The following CAMK4 variants were observed in gnomAD, a reference collection of about 807,000 sequenced individuals.
CAMK4 encodes calcium/calmodulin dependent protein kinase IV.
In CAMK4, 22 loss-of-function variants were observed where a neutral mutation model predicts 44.9. That is an observed-to-expected ratio of 0.49 (90% CI 0.35 to 0.70). The LOEUF is 0.70. Ranked by LOEUF, CAMK4 falls within the 30% of genes least tolerant of loss-of-function variation. The probability of loss-of-function intolerance (pLI) is 0.01; values close to 1 mark genes in which losing one functional copy is unlikely to be tolerated. For missense variants in CAMK4, 498 were observed against 586.8 expected (o/e 0.85, Z 1.56); for synonymous variants, 218 against 215.4 (o/e 1.01, Z -0.11).
At chr5:111,311,869 G>A (rs1748219172) in intron 1 of CAMK4, among the ~76,000 whole-genome samples, 2 of 152,098 alleles carry the variant, frequency 1.3e-5, no homozygotes, top group Admixed American at 6.6e-5. Flanking sequence ...GTAGCAGTGA[G>A]GTGATGTTGT....
intron 5 of CAMK4, among the ~76,000 whole-genome samples, chr5:111,413,080 G>A (rs980332537): frequency 4.7e-4 from 71 of 152,040 alleles, no homozygotes; most frequent in African/African-American, 1.6e-3. Context: ...TTCTTTCCTC[G>A]GTAAAGCCAA....
At chr5:111,355,673 C>T (rs1302634238) in intron 2 of CAMK4, among the ~76,000 whole-genome samples, 1 of 117,808 alleles carries the variant, frequency 8.5e-6, no homozygotes, top group African/African-American at 2.8e-5. Context: ...CCACAACAGT[C>T]CCCAGAGTGT....
At chr5:111,331,878 A>T (rs931571857) in intron 1 of CAMK4, among the ~76,000 whole-genome samples, 3 of 151,356 alleles carry the variant, frequency 2.0e-5, no homozygotes, top group Non-Finnish European at 4.4e-5. Context: ...TTATTTATAG[A>T]TTTTTTCTTA....
chr5:111,290,825 G>A lies in CAMK4; in HGVS notation c.162-53199G>A, dbSNP rs916043804. ...ATACCTGGGGAGTAGAAAATCACAC[G>A]TCTCTTGGAGGTTTATTTAAAAGTG... On this transcript the variant is annotated intron_variant, in intron 1 of 10. Coordinates refer to ENST00000282356, the MANE Select transcript of CAMK4 (RefSeq NM_001744.6). This position sits in a 1 kb window ranked among gnomAD's most constrained non-coding sequence, Gnocchi z 4.5. 6.6e-6 allele frequency among the ~76,000 whole-genome samples: 1 copy of A among 152,174 alleles called. No individual in the cohort carries two copies.
chr5:111,434,842 C>T (rs1753591077), intron 5 of CAMK4, among the ~76,000 whole-genome samples: 1 of 152,130 alleles, frequency 6.6e-6, no homozygotes, highest in Non-Finnish European at 1.5e-5. Context: ...ATCAAGAAAA[C>T]TGTGGTCAGA....
At chr5:111,298,488 A>C (rs141150995) in intron 1 of CAMK4, among the ~76,000 whole-genome samples, 31 of 152,292 alleles carry the variant, frequency 2.0e-4, no homozygotes, top group Middle Eastern at 3.4e-3. Flanking sequence ...CTGATTGAGA[A>C]GGTAAAGCAT....
At chr5:111,475,928 CAGTAG>C (rs1383236159) in intron 8 of CAMK4, among the ~76,000 whole-genome samples, 2 of 152,118 alleles carry the variant, frequency 1.3e-5, no homozygotes, top group African/African-American at 4.8e-5. Context: ...GAGACAGACA[CAGTAG>C]AGTAGAGAAG....
chr5:111,293,832 C>T (rs373765448), intron 1 of CAMK4, among the ~76,000 whole-genome samples: 6 of 150,744 alleles, frequency 4.0e-5, no homozygotes, highest in African/African-American at 7.3e-5. Context: ...CTGCAAGCTC[C>T]GCCTCCCGGG....
At chr5:111,276,188 C>T (rs532430667) in intron 1 of CAMK4, among the ~76,000 whole-genome samples, 2 of 152,202 alleles carry the variant, frequency 1.3e-5, no homozygotes, top group South Asian at 4.1e-4. Context: ...GTTTTGTGAA[C>T]TACTATTATT....
intron 5 of CAMK4, among the ~76,000 whole-genome samples, chr5:111,401,139 T>C (rs1233972711): frequency 1.3e-5 from 2 of 152,194 alleles, no homozygotes; most frequent in African/African-American, 4.8e-5. Flanking sequence ...TTCTCTCTTC[T>C]CTTCTCTTCC....
intron 1 of CAMK4, among the ~76,000 whole-genome samples, chr5:111,328,818 T>C (rs1749020927): frequency 6.6e-6 from 1 of 152,164 alleles, no homozygotes; most frequent in African/African-American, 2.4e-5. Context: ...TGTTTGTCTG[T>C]TATTGGTGTA....
intron 5 of CAMK4, among the ~76,000 whole-genome samples, chr5:111,436,871 G>A (rs1753664853): frequency 6.6e-6 from 1 of 152,134 alleles, no homozygotes; most frequent in African/African-American, 2.4e-5. Context: ...CTCCCCTGAG[G>A]CAACGCTGTA....
intron 1 of CAMK4, among the ~76,000 whole-genome samples, chr5:111,281,888 C>T (rs918776301): frequency 2.0e-5 from 3 of 151,714 alleles, no homozygotes; most frequent in Admixed American, 2.0e-4. Context: ...GAAACCCCGT[C>T]TCTACTAAAA....
chr5:111,349,455 A>G (rs1409725627), intron 2 of CAMK4, among the ~76,000 whole-genome samples: 1 of 151,948 alleles, frequency 6.6e-6, no homozygotes, highest in Non-Finnish European at 1.5e-5. Context: ...GCTAGTGGGG[A>G]CAACCAGTGT....
intron 1 of CAMK4, among the ~76,000 whole-genome samples, chr5:111,285,499 C>T (rs1751204238): frequency 6.6e-6 from 1 of 152,196 alleles, no homozygotes; most frequent in Non-Finnish European, 1.5e-5. Context: ...CTTAAAAGTG[C>T]TGCCCAAACT....
At chr5:111,472,950 C>G (rs1460663220) in intron 7 of CAMK4, among the ~76,000 whole-genome samples, 2 of 152,200 alleles carry the variant, frequency 1.3e-5, no homozygotes, top group African/African-American at 2.4e-5. Flanking sequence ...TTTTTTCTCC[C>G]TTGTTATGCT....
rs1225609490 is a variant in CAMK4, at chr5:111,344,471, A to G, written c.240+369A>G. On this transcript the variant is annotated intron_variant, in intron 2 of 10. Coordinates refer to ENST00000282356, the MANE Select transcript of CAMK4 (RefSeq NM_001744.6). The stretch of plus-strand genomic sequence containing the variant: ...ACTATATAATAATTTCAATATTTAA[A>G]TATTAAAACCACATTTTAATATTAG... 2.6e-5 allele frequency among the ~76,000 whole-genome samples: 4 copies of G among 151,910 alleles called. No individual in the cohort carries two copies. The East Asian group carries it at 7.8e-4, about 30-fold the overall frequency.
chr5:111,254,131 T>C (rs1749636387), intron 1 of CAMK4, among the ~76,000 whole-genome samples: 1 of 152,204 alleles, frequency 6.6e-6, no homozygotes. Context: ...GATGTGGAAG[T>C]GACTCAAATT....
intron 7 of CAMK4, among the ~76,000 whole-genome samples, chr5:111,450,728 C>CA (rs1754201582): frequency 6.6e-6 from 1 of 150,658 alleles, no homozygotes; most frequent in East Asian, 1.9e-4. Context: ...GTAGAGGTTA[C>CA]AGTGAAGCAA....
Sources: gnomAD v4.1 joint callset for allele counts (sites outside exome capture counted in the v4.1 genomes callset) on GRCh38, gnomAD v4.1.1 for gene constraint, Gnocchi (gnomAD v3.1) non-coding constraint, MANE v1.5 for transcripts, NCBI Gene and HGNC (gene_info 2026-07-23, HGNC 2026-07-21) for gene names.